TXNL4A: variants seen among roughly 807,000 people sequenced by gnomAD.
TXNL4A encodes the protein thioredoxin-like protein 4A.
In TXNL4A, 17 loss-of-function variants were observed where a neutral mutation model predicts 14.6. The ratio of observed to expected loss-of-function variants is 1.16; its 90% CI spans 0.80 to 1.74. The LOEUF is 1.74. Among genes scored for constraint, TXNL4A ranks in the 40% most tolerant of loss-of-function variants. The pLI is 0.00. For synonymous variants in TXNL4A, 83 were observed against 70.6 expected (o/e 1.18, Z -0.88); for missense variants, 74 against 195.2 (o/e 0.38, Z 3.70).
intron 1 of TXNL4A, among the ~76,000 whole-genome samples, chr18:79,983,840 G>A (rs185552384): frequency 6.6e-6 from 1 of 152,222 alleles, no homozygotes; most frequent in Admixed American, 6.5e-5. Context: ...TGAGGCACAA[G>A]TATGCCCTTT....
intron 1 of TXNL4A, among the ~76,000 whole-genome samples, chr18:80,028,067 C>T (rs1027045915): frequency 1.3e-5 from 2 of 151,952 alleles, no homozygotes; most frequent in Admixed American, 6.6e-5. Context: ...AACTAATGCC[C>T]CAGCCTTAGG....
intron 1 of TXNL4A, among the ~76,000 whole-genome samples, chr18:79,994,427 T>G (rs1043122747): frequency 2.6e-5 from 4 of 151,980 alleles, no homozygotes; most frequent in Admixed American, 2.0e-4. Flanking sequence ...TTATCTCTCT[T>G]AAAGAAATCC....
At chr18:79,983,502 T>C (rs1249223011) in intron 1 of TXNL4A, among the ~76,000 whole-genome samples, 1 of 152,172 alleles carries the variant, frequency 6.6e-6, no homozygotes, top group East Asian at 1.9e-4. Context: ...TGGCACATGA[T>C]ACCAACCACT....
At chr18:79,988,216 G>A in intron 1 of TXNL4A, 24 bp downstream of exon 1, 1 of 1,497,732 alleles carries the variant, frequency 6.7e-7, no homozygotes, top group Non-Finnish European at 9.1e-7. Flanking sequence ...ACAGCCCGCA[G>A]AGCGGGAGAG....
At chr18:80,002,462 A>T (rs1013808857) in intron 1 of TXNL4A, among the ~76,000 whole-genome samples, 1 of 152,206 alleles carries the variant, frequency 6.6e-6, no homozygotes, top group African/African-American at 2.4e-5. Flanking sequence ...AAGCCACTGA[A>T]GAGTTGCTTA....
At chr18:80,015,052 C>G (rs767921761) in intron 1 of TXNL4A, among the ~76,000 whole-genome samples, 6 of 152,152 alleles carry the variant, frequency 3.9e-5, no homozygotes, top group Non-Finnish European at 5.9e-5. Flanking sequence ...CACCAAGTCC[C>G]TAGGCCGCAC....
rs2051586349 is a variant in TXNL4A, at chr18:79,988,235, GC to G, written c.153+4del. ...CCCGCAGAGCGGGAGAGTCCGGCGC[GC>G]TACCTTCTCGGCGATGCTGTACAGG... On this transcript the variant is annotated splice_donor_region_variant and intron_variant, in intron 1 of 2. Coordinates refer to ENST00000269601, the MANE Select transcript of TXNL4A (RefSeq NM_006701.5). 1 of 1,530,104 alleles carries G rather than the reference GC, an allele frequency of 6.5e-7. No homozygotes were observed. Among genetic ancestry groups the G allele is most frequent in the African/African-American group, 1.4e-5 (1 of 72,674 alleles). 94.8% of individuals were successfully genotyped at this position (1,530,104 alleles called of 1,614,324 possible).
upstream of TXNL4A, among the ~76,000 whole-genome samples, chr18:79,989,532 A>G (rs2051609489): frequency 6.6e-6 from 1 of 152,222 alleles, no homozygotes; most frequent in South Asian, 2.1e-4. Flanking sequence ...ACTTTCTCAA[A>G]GAGAAATAAG....
rs199511420 is a variant in TXNL4A at position 79,973,697 on chromosome 18, C to T, written c.417G>A (p.Lys139=). ...GACTGAGGGCGCCTCAGTAGCGGTACTTGGTGGAGTAGTCCTTGGGGGACA... is the reference window on the plus strand; with the variant it reads ...GACTGAGGGCGCCTCAGTAGCGGTATTTGGTGGAGTAGTCCTTGGGGGACA... ...LVVSPKDYST[K]YRY Residue 139 remains lysine, a synonymous_variant, in exon 3 of 3, where the codon AAG becomes AAA. Coordinates refer to ENST00000269601, the MANE Select transcript of TXNL4A (RefSeq NM_006701.5). 2.5e-5 allele frequency: 40 copies of T among 1,613,526 alleles called. No individual in the cohort carries two copies. In the East Asian group the frequency reaches 6.7e-4, roughly 27 times the overall value.
chr18:80,015,210 G>C (rs1297437671), intron 1 of TXNL4A, among the ~76,000 whole-genome samples: 1 of 151,678 alleles, frequency 6.6e-6, no homozygotes, highest in Non-Finnish European at 1.5e-5. Context: ...TTGGCTCCTT[G>C]TTACTTATGC....
At chr18:80,027,394 A>T (rs936896746) in intron 1 of TXNL4A, among the ~76,000 whole-genome samples, 1 of 152,100 alleles carries the variant, frequency 6.6e-6, no homozygotes, top group Non-Finnish European at 1.5e-5. Flanking sequence ...TAATATCGCA[A>T]TACCCAGACA....
intron 1 of TXNL4A, among the ~76,000 whole-genome samples, chr18:80,017,763 G>C (rs1383955259): frequency 1.3e-5 from 2 of 151,892 alleles, no homozygotes; most frequent in Admixed American, 6.6e-5. Flanking sequence ...GATTCGGTTT[G>C]CCAGTATTTT....
chr18:80,000,567 G>C (rs2145103921), intron 1 of TXNL4A, among the ~76,000 whole-genome samples: 1 of 152,346 alleles, frequency 6.6e-6, no homozygotes, highest in East Asian at 1.9e-4. Flanking sequence ...CTGACGATGA[G>C]ATAGAAAAGG....
intron 1 of TXNL4A, among the ~76,000 whole-genome samples, chr18:80,007,502 A>G (rs2051739489): frequency 1.3e-5 from 2 of 152,210 alleles, no homozygotes; most frequent in South Asian, 4.1e-4. Context: ...TTCTAAGTCA[A>G]GAGTTGATTT....
chr18:80,014,199 A>T (rs2051791455), intron 1 of TXNL4A, among the ~76,000 whole-genome samples: 1 of 152,050 alleles, frequency 6.6e-6, no homozygotes, highest in Admixed American at 6.6e-5. Context: ...TCATATCCTC[A>T]CATTTCAAAA....
At chr18:80,024,901 C>A (rs763009343) in intron 1 of TXNL4A, among the ~76,000 whole-genome samples, 1 of 152,158 alleles carries the variant, frequency 6.6e-6, no homozygotes, top group African/African-American at 2.4e-5. Context: ...TTCATCAAAT[C>A]TGAAAAGGAG....
At chr18:79,974,121 G>A (rs544259166) in intron 2 of TXNL4A, among the ~76,000 whole-genome samples, 47 of 152,224 alleles carry the variant, frequency 3.1e-4, no homozygotes, top group African/African-American at 1.1e-3. Flanking sequence ...GAAATTAAAA[G>A]GTCAAAGGAG....
intron 1 of TXNL4A, among the ~76,000 whole-genome samples, chr18:80,020,057 G>A (rs555545911): frequency 2.6e-5 from 4 of 152,218 alleles, no homozygotes; most frequent in Admixed American, 6.5e-5. Context: ...TTGTGGGGGC[G>A]GGTCTTTCCT....
chr18:79,997,402 A>C lies in TXNL4A; in HGVS notation c.-60-19701T>G, dbSNP rs189027802. Among the ~76,000 whole-genome samples, 14 of 149,044 alleles carry C rather than the reference A, an allele frequency of 9.4e-5. 1 individual carries two copies. In the East Asian group the frequency reaches 2.9e-3, roughly 31 times the overall value. The stretch of plus-strand genomic sequence containing the variant: ...GTAAAACAAAAACAAAAACAAAAAA[A>C]AACAAGCAGGAGGGGACGGAGATTT... On this transcript the variant is annotated intron_variant, in intron 1 of 2. Transcript: ENST00000585474.
Sources: allele counts gnomAD v4.1 joint callset (sites outside exome capture counted in the v4.1 genomes callset), GRCh38; gene constraint gnomAD v4.1.1; transcripts MANE v1.5; gene names NCBI Gene and HGNC (gene_info 2026-07-23, HGNC 2026-07-21).